The following RTN1 variants were observed in gnomAD, a reference collection of about 807,000 sequenced individuals.
The protein encoded by RTN1 is reticulon-1.
A neutral mutation model predicts 65.5 loss-of-function variants in RTN1; 25 were observed. The observed-to-expected ratio is 0.38, with a 90% CI of 0.28 to 0.53. The LOEUF (loss-of-function observed/expected upper bound fraction) is 0.53. RTN1 is among the 20% of genes least tolerant of loss of function. The pLI is 0.79. For synonymous variants in RTN1, 471 were observed against 447.6 expected (o/e 1.05, Z -0.66); for missense variants, 983 against 1,025.4 (o/e 0.96, Z 0.57).
At position 59,870,467 on chromosome 14, in the gene RTN1, G is replaced by T; in HGVS notation, c.164C>A (p.Ala55Asp). 6.7e-7 allele frequency: 1 copy of T among 1,482,482 alleles called. No homozygotes were observed. The allele number at this position is 1,482,482 out of a possible 1,614,324, so 91.8% of individuals were successfully genotyped here. A position where few individuals can be genotyped will look rare whatever the true frequency, so the allele number is the denominator to read the frequency against. The change falls in exon 1 of 9, where the codon GCC becomes GAC. Residue 55 changes from alanine (A) to aspartate (D), a missense_variant. Ala to Asp is a moderately radical substitution (Grantham distance 126). Coordinates refer to ENST00000267484, the MANE Select transcript of RTN1 (RefSeq NM_021136.3). This position sits in a 1 kb window ranked among gnomAD's most constrained non-coding sequence, Gnocchi z 5.1. ...GEPSPGLGAR[A>D]REAASREAGS... ...GGCTTCCCGCGACGCCGCTTCCCGG[G>T]CCCTGGCGCCCAACCCCGGGCTGGG...
intron 1 of RTN1, among the ~76,000 whole-genome samples, chr14:59,819,137 C>T (rs1478557208): frequency 6.6e-6 from 1 of 152,092 alleles, no homozygotes; most frequent in Admixed American, 6.5e-5. Flanking sequence ...GTCTCGCTGG[C>T]TTCAGAAGTG....
chr14:59,806,140 G>A (rs1032637578), intron 1 of RTN1, among the ~76,000 whole-genome samples: 2 of 152,024 alleles, frequency 1.3e-5, no homozygotes, highest in African/African-American at 4.8e-5. Flanking sequence ...GGAGGCTGAG[G>A]CAGGAGAATC....
intron 3 of RTN1, among the ~76,000 whole-genome samples, chr14:59,703,462 C>A (rs56681211): frequency 6.6e-6 from 1 of 152,066 alleles, no homozygotes; most frequent in Non-Finnish European, 1.5e-5. Context: ...ACATGGCTGC[C>A]GTCCTTCATC....
At chr14:59,707,289 C>A (rs1884315946) in intron 3 of RTN1, among the ~76,000 whole-genome samples, 1 of 152,140 alleles carries the variant, frequency 6.6e-6, no homozygotes, top group South Asian at 2.1e-4. Flanking sequence ...CATTTGTTGC[C>A]CTTGTAGCAA....
chr14:59,870,664 T>C lies in RTN1; in HGVS notation c.-34A>G. ...GTCCCCCGGCGCGGCGACGGCGGCT[T>C]GGCTGGGCAGAGGCTCGGTGGCTGC... On this transcript the variant is annotated 5_prime_UTR_variant, in exon 1 of 9. Coordinates refer to ENST00000267484, the MANE Select transcript of RTN1 (RefSeq NM_021136.3). The surrounding 1 kb of genome is among the most constrained non-coding windows in gnomAD (Gnocchi z 5.1). 4 of 1,347,070 alleles carry C rather than the reference T, an allele frequency of 3.0e-6. No individual in the cohort carries two copies. The highest frequency in any genetic ancestry group is 3.8e-5 in the South Asian group (2 of 53,194). The allele number at this position is 1,347,070 out of a possible 1,614,324, so 83.4% of individuals were successfully genotyped here. A position where few individuals can be genotyped will look rare whatever the true frequency, so the allele number is the denominator to read the frequency against.
intron 1 of RTN1, among the ~76,000 whole-genome samples, chr14:59,776,744 G>A (rs1300506872): frequency 6.6e-6 from 1 of 152,068 alleles, no homozygotes; most frequent in Non-Finnish European, 1.5e-5. Flanking sequence ...CATCCAGTAG[G>A]AGGCTCTGCT....
chr14:59,729,557 C>T (rs540258374), intron 2 of RTN1, among the ~76,000 whole-genome samples: 1 of 152,278 alleles, frequency 6.6e-6, no homozygotes, highest in East Asian at 1.9e-4. Flanking sequence ...GTGAAAGTTT[C>T]ACCAGCTTAC....
intron 1 of RTN1, among the ~76,000 whole-genome samples, chr14:59,780,500 G>A (rs1342015931): frequency 1.3e-5 from 2 of 152,162 alleles, no homozygotes; most frequent in Non-Finnish European, 2.9e-5. Context: ...AACCATTCCG[G>A]AGGAAGTCAA....
intron 3 of RTN1, among the ~76,000 whole-genome samples, chr14:59,696,603 G>T (rs945467778): frequency 6.6e-6 from 1 of 152,048 alleles, no homozygotes; most frequent in Non-Finnish European, 1.5e-5. Flanking sequence ...CAGGCTGGGG[G>T]ACAAATCCAT....
At chr14:59,631,536 G>A (rs1394122750) in intron 3 of RTN1, among the ~76,000 whole-genome samples, 1 of 152,212 alleles carries the variant, frequency 6.6e-6, no homozygotes, top group Non-Finnish European at 1.5e-5. Flanking sequence ...AAGGATGTCA[G>A]GAGTCCACAG....
chr14:59,669,253 C>T (rs1363815023), intron 3 of RTN1, among the ~76,000 whole-genome samples: 4 of 152,150 alleles, frequency 2.6e-5, no homozygotes, highest in Non-Finnish European at 5.9e-5. Flanking sequence ...GGCACATATA[C>T]ACCATGGAAT....
chr14:59,726,503 C>T (rs912185825), intron 3 of RTN1, among the ~76,000 whole-genome samples: 12 of 152,130 alleles, frequency 7.9e-5, no homozygotes, highest in Middle Eastern at 3.2e-3. Flanking sequence ...ATAGAACATG[C>T]TAGTGGTGGG....
At chr14:59,664,013 C>T (rs566505777) in intron 3 of RTN1, among the ~76,000 whole-genome samples, 1 of 152,128 alleles carries the variant, frequency 6.6e-6, no homozygotes, top group South Asian at 2.1e-4. Flanking sequence ...AACACACATG[C>T]ACACGTATGT....
intron 2 of RTN1, among the ~76,000 whole-genome samples, chr14:59,729,637 C>T (rs1471735698): frequency 6.6e-6 from 1 of 152,166 alleles, no homozygotes; most frequent in South Asian, 2.1e-4. Context: ...TATTCTGTAC[C>T]TCCAGAGCAC....
chr14:59,765,832 G>C (rs1885838754), intron 1 of RTN1, among the ~76,000 whole-genome samples: 1 of 151,826 alleles, frequency 6.6e-6, no homozygotes, highest in African/African-American at 2.4e-5. Context: ...CTGGTGTTTG[G>C]CGTCCTCTAA....
intron 3 of RTN1, among the ~76,000 whole-genome samples, chr14:59,701,728 T>C (rs1884182750): frequency 6.6e-6 from 1 of 152,068 alleles, no homozygotes; most frequent in Non-Finnish European, 1.5e-5. Flanking sequence ...GGGTTTCTTT[T>C]TGGGGTGATG....
At chr14:59,639,683 T>G (rs1420849339) in intron 3 of RTN1, among the ~76,000 whole-genome samples, 1 of 152,224 alleles carries the variant, frequency 6.6e-6, no homozygotes, top group Non-Finnish European at 1.5e-5. Context: ...TAGCTGTCCT[T>G]TATCAGATTA....
At chr14:59,745,057 T>C (rs1885188429) in intron 2 of RTN1, among the ~76,000 whole-genome samples, 1 of 152,166 alleles carries the variant, frequency 6.6e-6, no homozygotes, top group Non-Finnish European at 1.5e-5. Context: ...AACGGATTAA[T>C]GGATTATCAT....
At chr14:59,776,790 G>A (rs1019206251) in intron 1 of RTN1, among the ~76,000 whole-genome samples, 34 of 152,162 alleles carry the variant, frequency 2.2e-4, no homozygotes, top group Admixed American at 1.8e-3. Context: ...AGGAGGAGGC[G>A]TAAAAAACCT....
Sources: gnomAD v4.1 joint callset for allele counts (sites outside exome capture counted in the v4.1 genomes callset) on GRCh38, gnomAD v4.1.1 for gene constraint, Gnocchi (gnomAD v3.1) non-coding constraint, MANE v1.5 for transcripts, NCBI Gene and HGNC (gene_info 2026-07-23, HGNC 2026-07-21) for gene names.